The following NUMB variants were observed in gnomAD, a reference collection of about 807,000 sequenced individuals.
The protein encoded by NUMB is NUMB endocytic adaptor protein.
A neutral mutation model predicts 59.7 loss-of-function variants in NUMB; 29 were observed. The ratio of observed to expected loss-of-function variants is 0.49; its 90% CI spans 0.36 to 0.66. The LOEUF (loss-of-function observed/expected upper bound fraction) is 0.66. Among genes scored for constraint, NUMB ranks in the 30% least tolerant of loss-of-function variants. The pLI, the probability that NUMB is intolerant of heterozygous loss-of-function variation, is 0.00. For missense variants in NUMB, 723 were observed against 822.0 expected (o/e 0.88, Z 1.47); for synonymous variants, 288 against 288.2 (o/e 1.00, Z 0.01).
intron 1 of NUMB, among the ~76,000 whole-genome samples, chr14:73,443,737 A>G (rs1158452075): frequency 6.6e-6 from 1 of 150,800 alleles, no homozygotes; most frequent in African/African-American, 2.4e-5. Flanking sequence ...TGCAACCACT[A>G]CCTACCGGGT....
At chr14:73,342,671 TC>T (rs1892696906) in intron 4 of NUMB, among the ~76,000 whole-genome samples, 1 of 152,196 alleles carries the variant, frequency 6.6e-6, no homozygotes, top group Non-Finnish European at 1.5e-5. Context: ...TCAGTTGGCA[TC>T]TAACCAATAA....
At chr14:73,390,972 T>C (rs1360238950) in intron 2 of NUMB, among the ~76,000 whole-genome samples, 6 of 151,808 alleles carry the variant, frequency 4.0e-5, no homozygotes, top group Admixed American at 3.3e-4. Flanking sequence ...TTTATACTCT[T>C]GATACTTACA....
At chr14:73,307,728 CT>C (rs34429117) in intron 6 of NUMB, among the ~76,000 whole-genome samples, 22,831 of 94,878 alleles carry the variant, frequency 0.24, 1,680 homozygotes, top group East Asian at 0.52. Context: ...GGGCCTCTGT[CT>C]TTTTTTTTTT....
At chr14:73,446,057 C>A (rs907666288) in intron 1 of NUMB, among the ~76,000 whole-genome samples, 20 of 149,770 alleles carry the variant, frequency 1.3e-4, no homozygotes, top group Non-Finnish European at 1.9e-4. Flanking sequence ...AGTCCAGTGG[C>A]ACGATCTCAG....
intron 6 of NUMB, chr14:73,298,691 G>A (rs1377530479): frequency 1.3e-5 from 2 of 152,170 alleles, no homozygotes; most frequent in Non-Finnish European, 2.9e-5. Context: ...CTCTAGAAGC[G>A]ACAAGGGAGA....
intron 2 of NUMB, among the ~76,000 whole-genome samples, chr14:73,385,589 C>A (rs879280729): frequency 2.0e-5 from 3 of 149,892 alleles, no homozygotes; most frequent in Non-Finnish European, 4.4e-5. Context: ...GTAACCTCCG[C>A]CTCCCAGGTT....
chr14:73,315,121 A>T (rs1194928800), intron 6 of NUMB, among the ~76,000 whole-genome samples: 1 of 152,156 alleles, frequency 6.6e-6, no homozygotes, highest in African/African-American at 2.4e-5. Context: ...AAATACTTCA[A>T]ATTTGTTTAC....
At chr14:73,405,435 CTT>C (rs56778084) in intron 2 of NUMB, among the ~76,000 whole-genome samples, 24,733 of 126,920 alleles carry the variant, frequency 0.19, 2,268 homozygotes, top group Non-Finnish European at 0.23. Flanking sequence ...TTTTCTTTCT[CTT>C]TTTTTTTTTT....
At position 73,276,911 on chromosome 14, in the gene NUMB, A is replaced by G; in HGVS notation, c.1623T>C (p.Thr541=). Residue 541 remains threonine, a synonymous_variant, in exon 13 of 13, where the codon ACT becomes ACC. Transcript: ENST00000555238. ...GATGGGCAGCCTGAGGGTGGCCTGC[A>G]GTGCCAAATACGTTGGCCACCATCT... The part of the protein sequence containing the change: ...PSQMVANVFG[T]AGHPQAAHPH... The G allele has an allele frequency of 6.2e-7, 1 of 1,614,142 alleles. No homozygotes were observed. Among genetic ancestry groups the G allele is most frequent in the East Asian group, 2.2e-5 (1 of 44,880 alleles).
intron 6 of NUMB, among the ~76,000 whole-genome samples, chr14:73,304,556 C>CCT (rs1890318647): frequency 1.3e-5 from 2 of 152,144 alleles, no homozygotes; most frequent in Admixed American, 6.6e-5. Flanking sequence ...GATCCTCCCA[C>CCT]CTCAGCCTCC....
chr14:73,277,379 C>T (rs563935012), intron 12 of NUMB, 86 bp from the exon 13 acceptor site: 1 of 1,014,460 alleles, frequency 9.9e-7, no homozygotes, highest in South Asian at 1.7e-5. Flanking sequence ...ATGATCCTAA[C>T]ATGTACAACA....
chr14:73,384,117 G>A (rs539517808), intron 2 of NUMB, among the ~76,000 whole-genome samples: 2 of 151,678 alleles, frequency 1.3e-5, no homozygotes, highest in South Asian at 4.2e-4. Context: ...GGAATTCTAT[G>A]CCCAATAAAA....
intron 6 of NUMB, among the ~76,000 whole-genome samples, chr14:73,300,687 G>A (rs547267297): frequency 3.3e-5 from 5 of 152,184 alleles, no homozygotes; most frequent in African/African-American, 7.2e-5. Flanking sequence ...TAATGTATAC[G>A]AAAGGTTTAG....
At chr14:73,426,405 T>C (rs1389590246) in intron 1 of NUMB, among the ~76,000 whole-genome samples, 4 of 152,036 alleles carry the variant, frequency 2.6e-5, no homozygotes, top group Admixed American at 6.6e-5. Context: ...AAGAAAAATG[T>C]TCCATGTAAG....
intron 1 of NUMB, among the ~76,000 whole-genome samples, chr14:73,416,738 G>T (rs968018960): frequency 1.3e-5 from 2 of 152,002 alleles, no homozygotes; most frequent in Non-Finnish European, 2.9e-5. Context: ...GCTACTTGGG[G>T]GGCTGAGGCA....
chr14:73,380,385 AG>A (rs138544976), intron 2 of NUMB, among the ~76,000 whole-genome samples: 96 of 152,316 alleles, frequency 6.3e-4, no homozygotes, highest in Non-Finnish European at 1.0e-3. Flanking sequence ...AGCAGGTTGA[AG>A]GGAACAAATC....
At chr14:73,303,666 C>T (rs1347967070) in intron 6 of NUMB, among the ~76,000 whole-genome samples, 1 of 152,046 alleles carries the variant, frequency 6.6e-6, no homozygotes, top group Non-Finnish European at 1.5e-5. Flanking sequence ...GATGTTCAGA[C>T]ATTCAGAATT....
At chr14:73,413,194 C>A (rs1024058545) in intron 1 of NUMB, among the ~76,000 whole-genome samples, 2 of 151,582 alleles carry the variant, frequency 1.3e-5, no homozygotes, top group Non-Finnish European at 2.9e-5. Context: ...TAAAGCAATT[C>A]TCCTGCCTCA....
intron 2 of NUMB, among the ~76,000 whole-genome samples, chr14:73,369,958 T>C (rs1894580530): frequency 1.3e-5 from 2 of 152,234 alleles, no homozygotes; most frequent in African/African-American, 4.8e-5. Context: ...TTATATTGAA[T>C]TTTATTAAAA....
Sources: allele counts gnomAD v4.1 joint callset (sites outside exome capture counted in the v4.1 genomes callset), GRCh38; gene constraint gnomAD v4.1.1; transcripts MANE v1.5; gene names NCBI Gene and HGNC (gene_info 2026-07-23, HGNC 2026-07-21).